FOXK1: variants seen among roughly 807,000 people sequenced by gnomAD.
The protein encoded by FOXK1 is forkhead box K1, also known as forkhead box protein K1.
A neutral mutation model predicts 51.9 loss-of-function variants in FOXK1; 19 were observed. The ratio of observed to expected loss-of-function variants is 0.37; its 90% CI spans 0.26 to 0.54. FOXK1 has a LOEUF of 0.54. Among genes scored for constraint, FOXK1 ranks in the 20% least tolerant of loss-of-function variants. FOXK1 has a pLI of 0.87. For synonymous variants in FOXK1, 537 were observed against 482.6 expected (o/e 1.11, Z -1.48); for missense variants, 870 against 1,032.7 (o/e 0.84, Z 2.16).
At chr7:4,732,587 G>A (rs1255146869) in intron 1 of FOXK1, among the ~76,000 whole-genome samples, 8 of 152,078 alleles carry the variant, frequency 5.3e-5, no homozygotes, top group Admixed American at 3.9e-4. Context: ...AACCACCGTG[G>A]GATTACGGGC....
intron 1 of FOXK1, among the ~76,000 whole-genome samples, chr7:4,694,177 C>T (rs762539554): frequency 7.2e-5 from 11 of 152,188 alleles, no homozygotes; most frequent in Non-Finnish European, 4.4e-5. Flanking sequence ...CTGAGCCACG[C>T]GCCCAGCCAG....
chr7:4,719,124 T>A (rs1404505664), intron 1 of FOXK1, among the ~76,000 whole-genome samples: 1 of 140,190 alleles, frequency 7.1e-6, no homozygotes, highest in Admixed American at 6.9e-5. Context: ...TTTTTTGTTT[T>A]TTTTTTGTTT....
At chr7:4,740,262 C>G (rs1025391406) in intron 1 of FOXK1, among the ~76,000 whole-genome samples, 57 of 152,250 alleles carry the variant, frequency 3.7e-4, no homozygotes, top group African/African-American at 1.4e-3. Flanking sequence ...AACCCCGTCT[C>G]TACTAAAAAT....
rs1242066352 is a variant in FOXK1, at chr7:4,756,504, A to G, written c.1051-490A>G. ...TTTTTCTGTAAAGAATGGTAATGGCAGCCAGGCACAGTAGCTCATGCCTGT... is the reference window on the plus strand; with the variant it reads ...TTTTTCTGTAAAGAATGGTAATGGCGGCCAGGCACAGTAGCTCATGCCTGT... On this transcript the variant is annotated intron_variant, in intron 4 of 8. Coordinates refer to ENST00000328914, the MANE Select transcript of FOXK1 (RefSeq NM_001037165.2). This position sits in a 1 kb window ranked among gnomAD's most constrained non-coding sequence, Gnocchi z 4.1. 6.6e-6 allele frequency among the ~76,000 whole-genome samples: 1 copy of G among 150,770 alleles called. No individual in the cohort carries two copies. Among genetic ancestry groups the G allele is most frequent in the Non-Finnish European group, 1.5e-5 (1 of 67,764 alleles).
chr7:4,728,748 A>AG (rs202078646), intron 1 of FOXK1, among the ~76,000 whole-genome samples: 4,899 of 148,622 alleles, frequency 0.033, 148 homozygotes, highest in Middle Eastern at 0.079. Context: ...AAAAAAAAAA[A>AG]AAAGAAAGAA....
rs1259907820 is a variant in FOXK1 at position 4,728,745 on chromosome 7, A to AG, written c.561-12093_561-12092insG. ...GTCTCTTTTTGAAAAAAAAAAAAAA[A>AG]AAAAAAGAAAGAAAAGAAAACGTAT... On this transcript the variant is annotated intron_variant, in intron 1 of 8. Coordinates refer to ENST00000328914, the MANE Select transcript of FOXK1 (RefSeq NM_001037165.2). Among the ~76,000 whole-genome samples, 224 of 150,416 alleles carry AG rather than the reference A, an allele frequency of 1.5e-3. 1 individual carries two copies. The highest frequency in any genetic ancestry group is 4.0e-4 in the Non-Finnish European group (27 of 67,840).
chr7:4,706,648 T>G (rs1017288439), intron 1 of FOXK1, among the ~76,000 whole-genome samples: 5 of 152,142 alleles, frequency 3.3e-5, no homozygotes, highest in African/African-American at 1.2e-4. Context: ...AAAAGCAAAA[T>G]GTGATTTACA....
At position 4,755,340 on chromosome 7, in the gene FOXK1, C is replaced by G. The variant is rs772650539; in HGVS notation, c.1007C>G (p.Thr336Ser). 4.5e-5 allele frequency: 73 copies of G among 1,613,704 alleles called. No homozygotes were observed. The highest frequency in any genetic ancestry group is 9.9e-5 in the South Asian group (9 of 91,092). The change falls in exon 4 of 9, where the codon ACC becomes AGC. Residue 336 changes from threonine to serine, a missense_variant. Transcript: ENST00000328914. The surrounding 1 kb of genome is among the most constrained non-coding windows in gnomAD (Gnocchi z 6.6). ...CTGAGCGGGATCTACGCCCACATCA[C>G]CAAGCATTACCCCTACTACCGGACG... ...LTLSGIYAHI[T>S]KHYPYYRTAD... is the part of the protein sequence containing the mutation.
chr7:4,755,619 C>T lies in FOXK1; in HGVS notation c.1050+236C>T, dbSNP rs558045056. Among the ~76,000 whole-genome samples, 17 of 152,264 alleles carry T rather than the reference C, an allele frequency of 1.1e-4. No homozygotes were observed. The South Asian group carries it at 1.4e-3, about 13-fold the overall frequency. Reference sequence around the variant, plus strand: ...TGGTGGTGCACACCTGTGGTCGCAGCTACTCGGAGGCTGAGGTGGGAGGAT... The same window carrying T: ...TGGTGGTGCACACCTGTGGTCGCAGTTACTCGGAGGCTGAGGTGGGAGGAT... On this transcript the variant is annotated intron_variant, in intron 4 of 8. Coordinates refer to ENST00000328914, the MANE Select transcript of FOXK1 (RefSeq NM_001037165.2). The surrounding 1 kb of genome is among the most constrained non-coding windows in gnomAD (Gnocchi z 6.6).
chr7:4,703,471 C>T lies in FOXK1; in HGVS notation c.560+20603C>T, dbSNP rs77422225. ...CCAGCACAGGGCAGGGTCCTGGTGT[C>T]CTCGCCCCACAAGGCTCCCCCAGGG... On this transcript the variant is annotated intron_variant, in intron 1 of 8. Transcript: ENST00000328914. The surrounding 1 kb of genome is among the most constrained non-coding windows in gnomAD (Gnocchi z 5.6). Among the ~76,000 whole-genome samples the T allele has an allele frequency of 1.3e-5, 2 of 152,166 alleles. No individual in the cohort carries two copies. The highest frequency in any genetic ancestry group is 2.9e-5 in the Non-Finnish European group (2 of 68,026).
intron 2 of FOXK1, among the ~76,000 whole-genome samples, chr7:4,741,678 G>C (rs1028343365): frequency 6.6e-6 from 1 of 152,236 alleles, no homozygotes; most frequent in African/African-American, 2.4e-5. Flanking sequence ...GGTGAACTTT[G>C]TTTCTTTAAG....
Position 4,759,318 on chromosome 7 carries a change from C to G in FOXK1, c.1419C>G (p.Pro473=), listed in dbSNP as rs369230415. The G allele has an allele frequency of 1.9e-5, 30 of 1,600,392 alleles. No homozygotes were observed. Among genetic ancestry groups the G allele is most frequent in the Non-Finnish European group, 2.5e-5 (29 of 1,177,900 alleles). The change falls in exon 7 of 9, where the codon CCC becomes CCG. Residue 473 remains proline, a synonymous_variant. Coordinates refer to ENST00000328914, the MANE Select transcript of FOXK1 (RefSeq NM_001037165.2). Reference sequence around the variant, plus strand: ...TCTCCGCCCTCCGTGCAGGCTCCCCCGTCAGCGCCCAGCCAGTGATCATGG... The same window carrying G: ...TCTCCGCCCTCCGTGCAGGCTCCCCGGTCAGCGCCCAGCCAGTGATCATGG... The part of the protein sequence containing the change: ...YRYSQSAPGS[P]VSAQPVIMAV...
intron 1 of FOXK1, among the ~76,000 whole-genome samples, chr7:4,721,824 C>A (rs534794907): frequency 4.6e-5 from 7 of 152,174 alleles, no homozygotes; most frequent in Non-Finnish European, 8.8e-5. Flanking sequence ...CTCCTGACCT[C>A]ATGTGATCCT....
chr7:4,717,065 C>T (rs1175127426), intron 1 of FOXK1, among the ~76,000 whole-genome samples: 1 of 126,024 alleles, frequency 7.9e-6, no homozygotes, highest in Non-Finnish European at 1.7e-5. Flanking sequence ...GGCTGGGAGG[C>T]GTGTGGCTGG....
rs7798915 is a variant in FOXK1 at position 4,745,392 on chromosome 7, C to T, written c.746+4369C>T. On this transcript the variant is annotated intron_variant, in intron 2 of 8. Coordinates refer to ENST00000328914, the MANE Select transcript of FOXK1 (RefSeq NM_001037165.2). The surrounding 1 kb of genome is among the most constrained non-coding windows in gnomAD (Gnocchi z 4.3). Reference sequence around the variant, plus strand: ...CCCCTGCCCCCGCCCCCCGCGCCACCCTGCGTCCTTCCTTTCCGTTTCTCG... The same window carrying T: ...CCCCTGCCCCCGCCCCCCGCGCCACTCTGCGTCCTTCCTTTCCGTTTCTCG... Among the ~76,000 whole-genome samples, 56,009 of 151,364 alleles carry T rather than the reference C, an allele frequency of 0.37. 10,840 individuals are homozygous for T. The highest frequency in any genetic ancestry group is 0.64 in the East Asian group (3,270 of 5,086).
At chr7:4,691,908 C>T (rs1376613049) in intron 1 of FOXK1, among the ~76,000 whole-genome samples, 2 of 152,148 alleles carry the variant, frequency 1.3e-5, no homozygotes, top group African/African-American at 4.8e-5. Flanking sequence ...GGCAGAATGG[C>T]TGCTGGACAT....
intron 1 of FOXK1, among the ~76,000 whole-genome samples, chr7:4,710,479 G>C (rs1191137010): frequency 6.6e-6 from 1 of 152,222 alleles, no homozygotes; most frequent in Non-Finnish European, 1.5e-5. Flanking sequence ...GGAGGCCGAG[G>C]CAGGAGAATC....
chr7:4,685,819 T>A (rs1278434395), intron 1 of FOXK1, among the ~76,000 whole-genome samples: 1 of 151,956 alleles, frequency 6.6e-6, no homozygotes, highest in Non-Finnish European at 1.5e-5. Flanking sequence ...GGATCACGCC[T>A]GTAGTCCCAG....
Position 4,762,755 on chromosome 7 carries a change from G to A in FOXK1, c.*291G>A. ...TCCTCTCCCCAGGCCTCCCTGTCGG[G>A]CATGGGGAGGAGGTTGGAGCTCAGC... On this transcript the variant is annotated 3_prime_UTR_variant, in exon 9 of 9. Transcript: ENST00000328914. This position sits in a 1 kb window ranked among gnomAD's most constrained non-coding sequence, Gnocchi z 5.7. 1 of 410,194 alleles carries A rather than the reference G, an allele frequency of 2.4e-6. No homozygotes were observed. The highest frequency in any genetic ancestry group is 2.8e-5 in the South Asian group (1 of 35,760). 25.4% of individuals were successfully genotyped at this position (410,194 alleles called of 1,614,324 possible).
Sources: gnomAD v4.1 joint callset for allele counts (sites outside exome capture counted in the v4.1 genomes callset) on GRCh38, gnomAD v4.1.1 for gene constraint, Gnocchi (gnomAD v3.1) non-coding constraint, MANE v1.5 for transcripts, NCBI Gene and HGNC (gene_info 2026-07-23, HGNC 2026-07-21) for gene names.